The following ANKRD28 variants were observed in gnomAD, a reference collection of about 807,000 sequenced individuals.
ANKRD28 encodes the protein serine/threonine-protein phosphatase 6 regulatory ankyrin repeat subunit A.
Under a neutral mutation model 126.5 loss-of-function variants are expected in ANKRD28, and 44 were observed. The ratio of observed to expected loss-of-function variants is 0.35; its 90% CI spans 0.27 to 0.45. The LOEUF (loss-of-function observed/expected upper bound fraction) is 0.45. Ranked by LOEUF, ANKRD28 falls within the 20% of genes least tolerant of loss-of-function variation. The pLI, the probability that ANKRD28 is intolerant of heterozygous loss-of-function variation, is 1.00. For missense variants in ANKRD28, 1,110 were observed against 1,316.6 expected, an observed-to-expected ratio of 0.84 and a Z score of 2.43; for synonymous variants, 442 against 468.5, an observed-to-expected ratio of 0.94 and a Z score of 0.73.
At chr3:15,806,605 T>G (rs2060585526) in intron 1 of ANKRD28, among the ~76,000 whole-genome samples, 1 of 151,722 alleles carries the variant, frequency 6.6e-6, no homozygotes, top group African/African-American at 2.4e-5. Context: ...CACTGCAACC[T>G]CCACCTCCTG....
intron 2 of ANKRD28, among the ~76,000 whole-genome samples, chr3:15,791,877 T>C (rs2060044617): frequency 6.6e-6 from 1 of 151,984 alleles, no homozygotes; most frequent in Non-Finnish European, 1.5e-5. Context: ...AACCAGAATA[T>C]AAGGAGCTCA....
At chr3:15,782,971 T>C (rs1306638977) in intron 2 of ANKRD28, among the ~76,000 whole-genome samples, 1 of 152,050 alleles carries the variant, frequency 6.6e-6, no homozygotes, top group Non-Finnish European at 1.5e-5. Flanking sequence ...TTGATAAATG[T>C]GAAACTTAAA....
intron 1 of ANKRD28, among the ~76,000 whole-genome samples, chr3:15,835,765 G>A: frequency 6.6e-6 from 1 of 152,184 alleles, no homozygotes; most frequent in East Asian, 1.9e-4. Context: ...GAAGATGGGA[G>A]TAAACTGGCT....
At chr3:15,842,935 G>A (rs1476226347) in intron 1 of ANKRD28, among the ~76,000 whole-genome samples, 1 of 152,130 alleles carries the variant, frequency 6.6e-6, no homozygotes, top group Non-Finnish European at 1.5e-5. Context: ...AGCACACCCG[G>A]ACAGAAACAA....
intron 2 of ANKRD28, among the ~76,000 whole-genome samples, chr3:15,767,440 G>T (rs554276963): frequency 7.9e-5 from 12 of 152,142 alleles, no homozygotes; most frequent in African/African-American, 2.9e-4. Flanking sequence ...ATTTTAGCTG[G>T]TCACTTAGCC....
Position 15,812,741 on chromosome 3 carries a change from A to G in ANKRD28, c.28-17435T>C, listed in dbSNP as rs1270227762. On this transcript the variant is annotated intron_variant, in intron 1 of 27. Transcript: ENST00000399451. This position sits in a 1 kb window ranked among gnomAD's most constrained non-coding sequence, Gnocchi z 4.1. ...TGTGAGGGGGTGAATTTCCAATGGAACTCTAGTTACCAACAGCCATCCCAC... is the reference window on the plus strand; with the variant it reads ...TGTGAGGGGGTGAATTTCCAATGGAGCTCTAGTTACCAACAGCCATCCCAC... Among the ~76,000 whole-genome samples the G allele has an allele frequency of 6.6e-6, 1 of 152,118 alleles. No homozygotes were observed. The highest frequency in any genetic ancestry group is 1.5e-5 in the Non-Finnish European group (1 of 68,024).
At chr3:15,701,603 C>T (rs2070637871) in intron 14 of ANKRD28, among the ~76,000 whole-genome samples, 1 of 151,830 alleles carries the variant, frequency 6.6e-6, no homozygotes, top group African/African-American at 2.4e-5. Flanking sequence ...GAGATTGCAC[C>T]ATTGCACTCC....
At chr3:15,746,316 C>T (rs1324572248) in intron 4 of ANKRD28, among the ~76,000 whole-genome samples, 7 of 152,132 alleles carry the variant, frequency 4.6e-5, no homozygotes, top group Non-Finnish European at 7.4e-5. Flanking sequence ...TTAAACTTTT[C>T]CCCATTCAGT....
At chr3:15,694,344 A>G (rs2069219517) in intron 17 of ANKRD28, among the ~76,000 whole-genome samples, 1 of 152,150 alleles carries the variant, frequency 6.6e-6, no homozygotes, top group Non-Finnish European at 1.5e-5. Context: ...AAAGTAAGCA[A>G]AAAATTGTAG....
At chr3:15,730,675 G>A (rs144556626) in intron 6 of ANKRD28, among the ~76,000 whole-genome samples, 1 of 152,318 alleles carries the variant, frequency 6.6e-6, no homozygotes, top group African/African-American at 2.4e-5. Context: ...AACAGTTTTA[G>A]AAGCTATATG....
At chr3:15,773,256 A>T (rs2125620450) in intron 2 of ANKRD28, among the ~76,000 whole-genome samples, 1 of 152,316 alleles carries the variant, frequency 6.6e-6, no homozygotes, top group African/African-American at 2.4e-5. Flanking sequence ...AAAAAAAGGT[A>T]TCATTTAGAA....
At chr3:15,709,800 T>C in intron 12 of ANKRD28, 64 bp from the exon 13 acceptor site, 1 of 1,065,228 alleles carries the variant, frequency 9.4e-7, no homozygotes, top group South Asian at 1.6e-5. Context: ...AATTGGTAGG[T>C]TTAAAGAAGC....
intron 21 of ANKRD28, among the ~76,000 whole-genome samples, chr3:15,680,367 C>A (rs1349746960): frequency 6.6e-6 from 1 of 151,966 alleles, no homozygotes; most frequent in East Asian, 1.9e-4. Flanking sequence ...CCATGCCCAG[C>A]TAGCTTTTTT....
chr3:15,677,569 G>A lies in ANKRD28; in HGVS notation c.2708-7C>T, dbSNP rs757446419. The A allele has an allele frequency of 1.3e-6, 2 of 1,597,622 alleles. No individual in the cohort carries two copies. The highest frequency in any genetic ancestry group is 2.2e-5 in the South Asian group (2 of 89,932). On this transcript the variant is annotated splice_polypyrimidine_tract_variant and splice_region_variant and intron_variant, in intron 24 of 27. Coordinates refer to ENST00000683139, the MANE Select transcript of ANKRD28 (RefSeq NM_001349278.2). ...GCACTGCTAACCAGCATCTCTGGGA[G>A]GAAAAAGTGCATCAATTCTTATGTT... is the stretch of plus-strand genomic sequence containing the variant.
chr3:15,832,070 T>G (rs935828839), intron 1 of ANKRD28, among the ~76,000 whole-genome samples: 3 of 152,200 alleles, frequency 2.0e-5, no homozygotes, highest in Non-Finnish European at 2.9e-5. Flanking sequence ...TTGTTACAGG[T>G]GCTGGAGACA....
intron 6 of ANKRD28, among the ~76,000 whole-genome samples, chr3:15,731,106 C>T (rs1250846158): frequency 6.6e-6 from 1 of 152,120 alleles, no homozygotes; most frequent in Admixed American, 6.6e-5. Flanking sequence ...TTTAGTAGCA[C>T]AAAATAGACT....
In ANKRD28 at chr3:15,843,869, C is replaced by A. The variant is rs755384985; in HGVS notation, c.27+15508G>T. The stretch of plus-strand genomic sequence containing the variant: ...AAAGCAATGGGCAAGTTGCAAGAGG[C>A]AGAAGATGGAGATGAAAAGGAGAAG... On this transcript the variant is annotated intron_variant, in intron 1 of 27. Transcript: ENST00000399451. The surrounding 1 kb of genome is among the most constrained non-coding windows in gnomAD (Gnocchi z 5.2). Among the ~76,000 whole-genome samples, 8 of 151,828 alleles carry A rather than the reference C, an allele frequency of 5.3e-5. No individual in the cohort carries two copies. Among genetic ancestry groups the A allele is most frequent in the Non-Finnish European group, 1.0e-4 (7 of 67,984 alleles).
At chr3:15,741,851 CT>C (rs2057044985) in intron 4 of ANKRD28, among the ~76,000 whole-genome samples, 1 of 152,006 alleles carries the variant, frequency 6.6e-6, no homozygotes, top group African/African-American at 2.4e-5. Flanking sequence ...ATTCTCCTGC[CT>C]CAGCCTGCCG....
chr3:15,686,727 A>G (rs893553689), intron 18 of ANKRD28, among the ~76,000 whole-genome samples: 4 of 152,330 alleles, frequency 2.6e-5, no homozygotes, highest in South Asian at 2.1e-4. Flanking sequence ...ACCAGGTCTG[A>G]CTACTGAGAT....
Sources: allele counts gnomAD v4.1 joint callset (sites outside exome capture counted in the v4.1 genomes callset), GRCh38; gene constraint gnomAD v4.1.1; non-coding constraint Gnocchi (gnomAD v3.1); transcripts MANE v1.5; gene names NCBI Gene and HGNC (gene_info 2026-07-23, HGNC 2026-07-21).